The following GIMAP8 variants were observed in gnomAD, a reference collection of about 807,000 sequenced individuals.
GIMAP8 encodes GTPase, IMAP family member 8, also known as GTPase IMAP family member 8.
A neutral mutation model predicts 35.6 loss-of-function variants in GIMAP8; 29 were observed. The ratio of observed to expected loss-of-function variants is 0.81; its 90% confidence interval spans 0.61 to 1.11. GIMAP8 has a LOEUF of 1.11. Among genes scored for constraint, GIMAP8 ranks in the 50% most tolerant of loss-of-function variants. The pLI is 0.00. For missense variants in GIMAP8, 811 were observed against 805.0 expected (o/e 1.01, Z -0.09); for synonymous variants, 335 against 308.7 (o/e 1.09, Z -0.89).
chr7:150,474,535 G>A lies in GIMAP8; in HGVS notation c.1206G>A (p.Arg402=). ...CKNRYSAFNY[R]ATGEEEQRQA... ...ACAGATATAGTGCCTTCAACTACCG[G>A]GCAACAGGAGAAGAAGAGCAAAGGC... Residue 402 remains arginine, a synonymous_variant, in exon 4 of 5, where the codon CGG becomes CGA. Transcript: ENST00000307271. 1 of 1,577,520 alleles carries A rather than the reference G, an allele frequency of 6.3e-7. No individual in the cohort carries two copies. Among genetic ancestry groups the A allele is most frequent in the Non-Finnish European group, 8.7e-7 (1 of 1,147,408 alleles).
At chr7:150,475,636 T>A (rs1400946225) in intron 4 of GIMAP8, among the ~76,000 whole-genome samples, 1 of 152,066 alleles carries the variant, frequency 6.6e-6, no homozygotes. Flanking sequence ...TTCTTACTCA[T>A]CCCGTTTTTT....
intron 1 of GIMAP8, among the ~76,000 whole-genome samples, chr7:150,458,626 TA>T (rs1483383367): frequency 6.6e-6 from 1 of 152,174 alleles, no homozygotes; most frequent in Non-Finnish European, 1.5e-5. Flanking sequence ...AAATGACACT[TA>T]ATCTCCCAAT....
chr7:150,452,709 T>TATATATATATATATATATATATATAC (rs1373884339), intron 1 of GIMAP8, among the ~76,000 whole-genome samples: 2 of 106,626 alleles, frequency 1.9e-5, no homozygotes, highest in African/African-American at 3.4e-5. Context: ...TATATATATA[T>TATATATATATATATATATATATATAC]ACATGCGAGT....
At position 150,452,314 on chromosome 7, in the gene GIMAP8, T is replaced by TGC. The variant is rs1414314792; in HGVS notation, c.-29+1140_-29+1141insCG. 4.7e-3 allele frequency among the ~76,000 whole-genome samples: 707 copies of TGC among 151,954 alleles called. 7 individuals carry two copies. Among genetic ancestry groups the TGC allele is most frequent in the African/African-American group, 0.016 (680 of 41,418 alleles). ...TGTGGTAGGAGTGTGCATGTGCGTG[T>TGC]GTGTATGTGGGTGTGTGTGTGTAGG... is the stretch of plus-strand genomic sequence containing the variant. On this transcript the variant is annotated intron_variant, in intron 1 of 4. Coordinates refer to ENST00000307271, the MANE Select transcript of GIMAP8 (RefSeq NM_175571.4).
At chr7:150,465,578 C>A (rs1217246291) in intron 1 of GIMAP8, among the ~76,000 whole-genome samples, 1 of 152,156 alleles carries the variant, frequency 6.6e-6, no homozygotes, top group African/African-American at 2.4e-5. Context: ...CAGCTCAAAA[C>A]ATATGTCAAA....
intron 2 of GIMAP8, 146 bp downstream of exon 2, chr7:150,467,480 G>A (rs1801994957): frequency 2.9e-6 from 2 of 695,514 alleles, no homozygotes; most frequent in Non-Finnish European, 4.7e-6. Context: ...GCAGGAATAA[G>A]AGGTATCAGA....
intron 2 of GIMAP8, among the ~76,000 whole-genome samples, chr7:150,469,518 A>G (rs1443083729): frequency 1.3e-5 from 2 of 152,228 alleles, no homozygotes; most frequent in African/African-American, 2.4e-5. Context: ...TATGTCAGGA[A>G]TTGCTGTGAG....
chr7:150,478,218 C>T lies in GIMAP8; in HGVS notation c.*438C>T, dbSNP rs1368607846. 3 of 166,710 alleles carry T rather than the reference C, an allele frequency of 1.8e-5. No homozygotes were observed. Among genetic ancestry groups the T allele is most frequent in the Non-Finnish European group, 3.9e-5 (3 of 75,974 alleles). The allele number at this position is 166,710 out of a possible 1,614,324, so 10.3% of individuals were successfully genotyped here. On this transcript the variant is annotated 3_prime_UTR_variant, in exon 5 of 5. Coordinates refer to ENST00000307271, the MANE Select transcript of GIMAP8 (RefSeq NM_175571.4). Reference sequence around the variant, plus strand: ...GCGTTCAGCACACTCCTGGGCATGGCGGAAGCAGGAAGCAGACTCCAGAGG... The same window carrying T: ...GCGTTCAGCACACTCCTGGGCATGGTGGAAGCAGGAAGCAGACTCCAGAGG...
chr7:150,474,718 CTTTT>C (rs567749757), intron 4 of GIMAP8, 80 bp downstream of exon 4: 20 of 887,782 alleles, frequency 2.3e-5, no homozygotes, highest in African/African-American at 3.5e-5. Flanking sequence ...TTTTTATTTT[CTTTT>C]TTTTCTTTTT....
rs753351698 is a variant in GIMAP8, at chr7:150,477,753, T to G, written c.1971T>G (p.Leu657=). 1 of 1,613,134 alleles carries G rather than the reference T, an allele frequency of 6.2e-7. No homozygotes were observed. Among genetic ancestry groups the G allele is most frequent in the Non-Finnish European group, 8.5e-7 (1 of 1,179,744 alleles). ...VQEMSQAEKL[L]KNLIGILQ ...AAATGTCCCAAGCCGAAAAACTCCT[T>G]AAAAATTTAATAGGTATTTTACAAT... Residue 657 remains leucine, a synonymous_variant, in exon 5 of 5, where the codon CTT becomes CTG. Coordinates refer to ENST00000307271, the MANE Select transcript of GIMAP8 (RefSeq NM_175571.4).
chr7:150,478,078 G>T lies in GIMAP8; in HGVS notation c.*298G>T. 2.4e-6 allele frequency: 1 copy of T among 408,708 alleles called. No individual in the cohort carries two copies. The highest frequency in any genetic ancestry group is 4.4e-6 in the Non-Finnish European group (1 of 226,680). The allele number at this position is 408,708 out of a possible 1,614,324, so 25.3% of individuals were successfully genotyped here. A position where few individuals can be genotyped will look rare whatever the true frequency, so the allele number is the denominator to read the frequency against. ...TCAAGTCACAAGAATCACCTCACTT[G>T]TGTAGGTAGGTTGGAATCAGGATAG... On this transcript the variant is annotated 3_prime_UTR_variant, in exon 5 of 5. Transcript: ENST00000307271.
intron 4 of GIMAP8, among the ~76,000 whole-genome samples, chr7:150,475,126 TA>T (rs1420380257): frequency 6.6e-6 from 1 of 152,188 alleles, no homozygotes; most frequent in East Asian, 1.9e-4. Flanking sequence ...ATAGAGAAGA[TA>T]AAAAGGACAG....
Position 150,466,891 on chromosome 7 carries a change from G to GAC in GIMAP8, c.196_197dup (p.Asp68LeufsTer7), listed in dbSNP as rs1355685033. 4 of 1,614,240 alleles carry GAC rather than the reference G, an allele frequency of 2.5e-6. No individual in the cohort carries two copies. In the South Asian group the frequency reaches 4.4e-5, roughly 18 times the overall value. On this transcript the variant is annotated frameshift_variant, in exon 2 of 5. Transcript: ENST00000307271. LOFTEE classifies it high-confidence loss of function. ...GAGAGAAAGGAAGGTTGTGGTAATT[G>GAC]ACACCCCTGACCTTTTCTCCTCAAT... is the stretch of plus-strand genomic sequence containing the variant.
intron 4 of GIMAP8, among the ~76,000 whole-genome samples, chr7:150,475,337 C>T (rs184038264): frequency 1.3e-5 from 2 of 152,346 alleles, no homozygotes; most frequent in East Asian, 1.9e-4. Context: ...TAGGTCTGTT[C>T]TATGGACTAA....
In GIMAP8 at chr7:150,466,931, A is replaced by G; in HGVS notation, c.233A>G (p.Asp78Gly). The G allele has an allele frequency of 6.2e-7, 1 of 1,614,218 alleles. No individual in the cohort carries two copies. Among genetic ancestry groups the G allele is most frequent in the South Asian group, 1.1e-5 (1 of 91,086 alleles). ...TTCTCCTCAATAGCTTGTGCTGAAG[A>G]CAAGCAACGCAACATCCAACACTGC... ...DLFSSIACAE[D>G]KQRNIQHCLE... Residue 78 changes from aspartate (D) to glycine (G), a missense_variant, in exon 2 of 5, where the codon GAC becomes GGC. Physicochemically the swap from Asp to Gly is moderately conservative, Grantham distance 94. Coordinates refer to ENST00000307271, the MANE Select transcript of GIMAP8 (RefSeq NM_175571.4).
intron 1 of GIMAP8, among the ~76,000 whole-genome samples, chr7:150,456,430 A>G (rs533777289): frequency 1.3e-5 from 2 of 152,158 alleles, no homozygotes; most frequent in East Asian, 1.9e-4. Flanking sequence ...AAAGCTAGCA[A>G]TGTGGCATCT....
chr7:150,475,512 C>T (rs1328651804), intron 4 of GIMAP8, among the ~76,000 whole-genome samples: 1 of 152,126 alleles, frequency 6.6e-6, no homozygotes, highest in African/African-American at 2.4e-5. Context: ...CCTTTGTTTC[C>T]CCACAGTGTA....
At chr7:150,466,632 G>A in intron 1 of GIMAP8, 39 bp from the exon 2 acceptor site, 2 of 1,529,896 alleles carry the variant, frequency 1.3e-6, no homozygotes. Context: ...CACTCTGTGT[G>A]GGAGTTGAAC....
intron 1 of GIMAP8, among the ~76,000 whole-genome samples, chr7:150,456,541 T>C (rs1384204726): frequency 6.6e-6 from 1 of 152,212 alleles, no homozygotes; most frequent in Non-Finnish European, 1.5e-5. Context: ...TACAGACCAC[T>C]GAGCCCACCT....
Sources: allele counts gnomAD v4.1 joint callset (sites outside exome capture counted in the v4.1 genomes callset), GRCh38; gene constraint gnomAD v4.1.1; transcripts MANE v1.5; gene names NCBI Gene and HGNC (gene_info 2026-07-23, HGNC 2026-07-21).